Variants in BRD10 observed in about 807,000 individuals in gnomAD.
BRD10 encodes the protein uncharacterized bromodomain-containing protein 10.
At chr9:5,972,412 T>C in the BRD10 span, among the ~76,000 whole-genome samples, 444 of 152,326 alleles carry the variant, frequency 2.9e-3, 3 homozygotes, top group African/African-American at 9.8e-3. Context: ...AACTCCTTGA[T>C]ATAGTTTGGA....
the BRD10 span, among the ~76,000 whole-genome samples, chr9:5,960,959 T>C: frequency 2.0e-5 from 3 of 152,234 alleles, no homozygotes; most frequent in Non-Finnish European, 4.4e-5. Flanking sequence ...ATTGTTAAAA[T>C]GGTATGTATA....
chr9:5,892,063 A>G, the BRD10 span, among the ~76,000 whole-genome samples: 1 of 152,228 alleles, frequency 6.6e-6, no homozygotes, highest in Admixed American at 6.5e-5. Context: ...TGTTAGCCAC[A>G]GCCCTGGGCC....
the BRD10 span, among the ~76,000 whole-genome samples, chr9:5,978,554 C>A: frequency 9.9e-5 from 15 of 152,098 alleles, no homozygotes; most frequent in Non-Finnish European, 2.1e-4. Flanking sequence ...CATCAGTCAA[C>A]CTTCTTATTT....
At chr9:5,929,142 C>G in the BRD10 span, 3 of 1,570,324 alleles carry the variant, frequency 1.9e-6, no homozygotes, top group Middle Eastern at 5.0e-4. Flanking sequence ...CAGCTTGCCT[C>G]CGATGATACC....
At chr9:5,988,987 T>G in the BRD10 span, among the ~76,000 whole-genome samples, 1 of 151,908 alleles carries the variant, frequency 6.6e-6, no homozygotes, top group Non-Finnish European at 1.5e-5. Context: ...TCTCAGCAAT[T>G]TGGGAGGCCG....
chr9:5,885,918 A>G, the BRD10 span, among the ~76,000 whole-genome samples: 5 of 152,262 alleles, frequency 3.3e-5, 1 homozygote, highest in South Asian at 1.0e-3. Context: ...CCTCCTATGA[A>G]AGGGCAACAG....
the BRD10 span, among the ~76,000 whole-genome samples, chr9:5,952,025 T>TCA: frequency 6.7e-6 from 1 of 149,814 alleles, no homozygotes; most frequent in African/African-American, 2.5e-5. Flanking sequence ...ATTTATTTAT[T>TCA]TATTTATTTA....
chr9:5,932,552 C>A, the BRD10 span, among the ~76,000 whole-genome samples: 1 of 152,020 alleles, frequency 6.6e-6, no homozygotes, highest in African/African-American at 2.4e-5. Context: ...ATAAGTAATA[C>A]AGAGATGATT....
chr9:5,882,324 C>A, the BRD10 span, among the ~76,000 whole-genome samples: 1 of 152,094 alleles, frequency 6.6e-6, no homozygotes, highest in Non-Finnish European at 1.5e-5. Flanking sequence ...GTGTTAAATA[C>A]CACCCCTTAC....
At chr9:5,922,281 T>A in the BRD10 span, 1 of 1,613,974 alleles carries the variant, frequency 6.2e-7, no homozygotes. Flanking sequence ...AGTGTTGTTG[T>A]TGATGACAGA....
the BRD10 span, among the ~76,000 whole-genome samples, chr9:5,966,831 T>C: frequency 2.0e-5 from 3 of 152,236 alleles, no homozygotes; most frequent in Non-Finnish European, 4.4e-5. Context: ...GGATCGCTTA[T>C]AAAATTTACA....
the BRD10 span, among the ~76,000 whole-genome samples, chr9:5,938,941 T>C: frequency 6.6e-6 from 1 of 152,204 alleles, no homozygotes; most frequent in Non-Finnish European, 1.5e-5. Flanking sequence ...GAACTCTGAA[T>C]ATACTTAAAT....
the BRD10 span, among the ~76,000 whole-genome samples, chr9:5,897,255 T>C: frequency 0.06 from 9,076 of 152,256 alleles, 878 homozygotes; most frequent in African/African-American, 0.2. Flanking sequence ...AATAAATACA[T>C]TGTCCACATA....
the BRD10 span, among the ~76,000 whole-genome samples, chr9:5,913,394 C>A: frequency 1.3e-5 from 2 of 152,158 alleles, no homozygotes; most frequent in African/African-American, 4.8e-5. Flanking sequence ...CTGTCAATCT[C>A]AAGTAACCGG....
chr9:5,937,223 T>C, the BRD10 span, among the ~76,000 whole-genome samples: 1 of 120,538 alleles, frequency 8.3e-6, no homozygotes, highest in Admixed American at 8.8e-5. Context: ...AGCAAGACTC[T>C]GCCTCAAAAA....
At chr9:5,994,808 G>T in the BRD10 span, among the ~76,000 whole-genome samples, 27 of 151,998 alleles carry the variant, frequency 1.8e-4, no homozygotes, top group African/African-American at 6.0e-4. Flanking sequence ...TATAACCTCA[G>T]CTGGGCTCAA....
At chr9:5,935,615 T>C in the BRD10 span, among the ~76,000 whole-genome samples, 2 of 152,232 alleles carry the variant, frequency 1.3e-5, no homozygotes, top group Admixed American at 6.5e-5. Context: ...GATCCATATA[T>C]GCTATCAGAA....
At chr9:5,992,512 C>T in the BRD10 span, among the ~76,000 whole-genome samples, 1 of 104,140 alleles carries the variant, frequency 9.6e-6, no homozygotes, top group South Asian at 3.3e-4. Context: ...AATAAATACA[C>T]TAAAATAGCT....
the BRD10 span, among the ~76,000 whole-genome samples, chr9:5,934,736 T>G: frequency 2.0e-5 from 3 of 152,162 alleles, no homozygotes; most frequent in Non-Finnish European, 4.4e-5. Flanking sequence ...AAAAGAAGTC[T>G]TATTTAAGGG....
Sources: gnomAD v4.1 joint callset for allele counts (sites outside exome capture counted in the v4.1 genomes callset) on GRCh38, gnomAD v4.1.1 for gene constraint, MANE v1.5 for transcripts, NCBI Gene and HGNC (gene_info 2026-07-23, HGNC 2026-07-21) for gene names.